Variants in ANKAR observed in about 807,000 individuals in gnomAD.
The protein encoded by ANKAR is ankyrin and armadillo repeat containing.
In ANKAR, 136 loss-of-function variants were observed where a neutral mutation model predicts 146.2. The ratio of observed to expected loss-of-function variants is 0.93; its 90% CI spans 0.81 to 1.07. ANKAR has a LOEUF of 1.07. Ranked by LOEUF, ANKAR falls within the 50% of genes least tolerant of loss-of-function variation. ANKAR has a pLI of 0.00. For missense variants in ANKAR, 1,567 were observed against 1,679.9 expected, an observed-to-expected ratio of 0.93 and a Z score of 1.18; for synonymous variants, 500 against 575.8, an observed-to-expected ratio of 0.87 and a Z score of 1.88.
At chr2:189,696,414 C>G in intron 7 of ANKAR, 45 bp downstream of exon 7, 1 of 1,561,040 alleles carries the variant, frequency 6.4e-7, no homozygotes. Context: ...TTTTATTTAC[C>G]CTTACTCAGC....
chr2:189,748,403 C>T (rs2044503691), downstream of ANKAR, among the ~76,000 whole-genome samples: 1 of 152,032 alleles, frequency 6.6e-6, no homozygotes, highest in Non-Finnish European at 1.5e-5. Context: ...CCTAGCTACT[C>T]AGGAAGCTGA....
At chr2:189,724,631 CAT>C (rs933988794) in intron 12 of ANKAR, among the ~76,000 whole-genome samples, 7 of 151,984 alleles carry the variant, frequency 4.6e-5, no homozygotes, top group African/African-American at 1.4e-4. Context: ...ATAACATACT[CAT>C]AACAATAAAA....
chr2:189,706,811 T>G, intron 8 of ANKAR, 127 bp from the exon 9 acceptor site: 448 of 646,560 alleles, frequency 6.9e-4, no homozygotes, highest in Middle Eastern at 2.1e-3. Context: ...ATACGGAAGA[T>G]GAGAATTCCT....
chr2:189,677,009 A>C lies in ANKAR; in HGVS notation c.519A>C (p.Glu173Asp). 6.2e-7 allele frequency: 1 copy of C among 1,613,064 alleles called. No homozygotes were observed. Among genetic ancestry groups the C allele is most frequent in the Admixed American group, 1.7e-5 (1 of 59,838 alleles). Residue 173 changes from glutamate to aspartate, a missense_variant, in exon 2 of 23, where the codon GAA (glutamate) becomes GAC (aspartate). Glu to Asp is a conservative substitution (Grantham distance 45). Transcript: ENST00000684021. ...AAGAAAAACGAGCTAGATTCTCTGAATTGTGGCGTGCCATCATGGACATTG... is the reference window on the plus strand; with the variant it reads ...AAGAAAAACGAGCTAGATTCTCTGACTTGTGGCGTGCCATCATGGACATTG... ...MPKEKRARFSELWRAIMDIDP... is the reference protein window; with the variant it reads ...MPKEKRARFSDLWRAIMDIDP...
intron 10 of ANKAR, among the ~76,000 whole-genome samples, chr2:189,717,276 G>T (rs915478121): frequency 1.3e-5 from 2 of 152,140 alleles, no homozygotes; most frequent in African/African-American, 4.8e-5. Flanking sequence ...AGCGGGCAAA[G>T]GATATGAACA....
chr2:189,693,015 C>T (rs2036653278), intron 4 of ANKAR, 59 bp from the exon 5 acceptor site: 1 of 896,660 alleles, frequency 1.1e-6, no homozygotes, highest in South Asian at 1.9e-5. Context: ...ACAAAGAATT[C>T]TTATAATTGT....
intron 1 of ANKAR, among the ~76,000 whole-genome samples, chr2:189,675,536 C>A (rs897015554): frequency 6.6e-6 from 1 of 152,014 alleles, no homozygotes; most frequent in African/African-American, 2.4e-5. Context: ...TTAGTAGAGA[C>A]GGAGTTTCTC....
chr2:189,677,031 A>G lies in ANKAR; in HGVS notation c.541A>G (p.Ile181Val), dbSNP rs1164089023. The G allele has an allele frequency of 1.2e-6, 2 of 1,603,998 alleles. No homozygotes were observed. Among genetic ancestry groups the G allele is most frequent in the Middle Eastern group, 1.7e-4 (1 of 5,994 alleles). The change falls in exon 2 of 23, where the codon ATT becomes GTT. Residue 181 changes from isoleucine to valine, a missense_variant. Physicochemically the swap from Ile to Val is conservative, Grantham distance 29. Transcript: ENST00000684021. ...FSELWRAIMDIDPDGKPQTNK... is the reference protein window; with the variant it reads ...FSELWRAIMDVDPDGKPQTNK... ...TGAATTGTGGCGTGCCATCATGGAC[A>G]TTGATCCTGATGGAAAACCTCAAAC...
chr2:189,678,138 C>T (rs1053079585), intron 2 of ANKAR, among the ~76,000 whole-genome samples: 3 of 152,140 alleles, frequency 2.0e-5, no homozygotes, highest in Admixed American at 6.5e-5. Flanking sequence ...GCCATTCTTG[C>T]GGGAGTAAGA....
At chr2:189,711,177 T>G in intron 10 of ANKAR, 24 bp downstream of exon 10, 2 of 1,535,178 alleles carry the variant, frequency 1.3e-6, no homozygotes, top group South Asian at 2.3e-5. Flanking sequence ...TATTAATAAC[T>G]TTTTATGCTA....
At chr2:189,725,311 C>CACATAT in intron 12 of ANKAR, among the ~76,000 whole-genome samples, 1 of 122,440 alleles carries the variant, frequency 8.2e-6, no homozygotes, top group African/African-American at 2.7e-5. Flanking sequence ...CACACACACA[C>CACATAT]ACACATATAT....
intron 17 of ANKAR, among the ~76,000 whole-genome samples, chr2:189,737,028 C>T (rs2042919473): frequency 6.7e-6 from 1 of 150,164 alleles, no homozygotes; most frequent in East Asian, 2.0e-4. Context: ...GAGCCAAGAT[C>T]ACGCCACTGC....
At chr2:189,691,385 T>A (rs1158494538) in intron 3 of ANKAR, among the ~76,000 whole-genome samples, 1 of 152,208 alleles carries the variant, frequency 6.6e-6, no homozygotes, top group East Asian at 1.9e-4. Context: ...ATAAGTTATC[T>A]GTGTAGTTTC....
intron 18 of ANKAR, chr2:189,753,108 G>A: frequency 1.4e-6 from 1 of 737,980 alleles, no homozygotes; most frequent in Non-Finnish European, 2.0e-6. Flanking sequence ...GTAATGGGCA[G>A]ATGACATATC....
intron 16 of ANKAR, among the ~76,000 whole-genome samples, chr2:189,730,910 T>C (rs2042340774): frequency 1.3e-5 from 2 of 152,226 alleles, no homozygotes; most frequent in South Asian, 4.1e-4. Context: ...TGATTATTTA[T>C]TCACAAAAGT....
At chr2:189,713,510 A>G (rs1434402637) in intron 10 of ANKAR, among the ~76,000 whole-genome samples, 1 of 152,170 alleles carries the variant, frequency 6.6e-6, no homozygotes, top group Non-Finnish European at 1.5e-5. Flanking sequence ...ATCCAGCCAA[A>G]CTAAGCTTCA....
At chr2:189,727,249 C>G (rs956277391) in intron 12 of ANKAR, among the ~76,000 whole-genome samples, 1 of 152,058 alleles carries the variant, frequency 6.6e-6, no homozygotes, top group Non-Finnish European at 1.5e-5. Context: ...AATGATAATA[C>G]TCATACTCAA....
chr2:189,722,070 C>T (rs575919572), intron 12 of ANKAR, among the ~76,000 whole-genome samples: 8 of 152,236 alleles, frequency 5.3e-5, no homozygotes, highest in East Asian at 1.9e-4. Context: ...AGAGGCCAGG[C>T]GTGGTGGCTC....
In ANKAR at chr2:189,695,035, A is replaced by C; in HGVS notation, c.1362A>C (p.Thr454=). Reference sequence around the variant, plus strand: ...CTTTCTATCAGCAACTATATAAGACACAGTGGTGGGGAGCCATAAATGAAA... The same window carrying C: ...CTTTCTATCAGCAACTATATAAGACCCAGTGGTGGGGAGCCATAAATGAAA... ...LETFYQQLYK[T]QWWGAINEIV... is the part of the protein sequence containing the mutation. Residue 454 remains threonine (T), a synonymous_variant, in exon 6 of 23, where the codon ACA becomes ACC. Transcript: ENST00000684021. 1 of 1,610,624 alleles carries C rather than the reference A, an allele frequency of 6.2e-7. No homozygotes were observed. The highest frequency in any genetic ancestry group is 8.5e-7 in the Non-Finnish European group (1 of 1,178,268).
Sources: allele counts gnomAD v4.1 joint callset (sites outside exome capture counted in the v4.1 genomes callset), GRCh38; gene constraint gnomAD v4.1.1; transcripts MANE v1.5; gene names NCBI Gene and HGNC (gene_info 2026-07-23, HGNC 2026-07-21).